PTPRT: variants seen among roughly 807,000 people sequenced by gnomAD.
The protein encoded by PTPRT is receptor-type tyrosine-protein phosphatase T.
In PTPRT, 56 loss-of-function variants were observed where a neutral mutation model predicts 176.8. The observed-to-expected ratio is 0.32, with a 90% CI of 0.26 to 0.40. The LOEUF (loss-of-function observed/expected upper bound fraction) is 0.40, where lower values mean the gene tolerates loss of function less well. PTPRT is among the 10% of genes least tolerant of loss of function. The probability of loss-of-function intolerance (pLI) is 1.00; values close to 1 mark genes in which losing one functional copy is unlikely to be tolerated. For missense variants in PTPRT, 1,540 were observed against 1,908.2 expected, an observed-to-expected ratio of 0.81 and a Z score of 3.60; for synonymous variants, 783 against 739.0, an observed-to-expected ratio of 1.06 and a Z score of -0.96.
chr20:42,044,798 A>T, the PTPRT span, among the ~76,000 whole-genome samples: 1 of 152,204 alleles, frequency 6.6e-6, no homozygotes, highest in African/African-American at 2.4e-5. Context: ...GACTGATTAC[A>T]TTACAATTCT....
At chr20:42,505,184 C>A (rs918939896) in intron 7 of PTPRT, among the ~76,000 whole-genome samples, 1 of 152,060 alleles carries the variant, frequency 6.6e-6, no homozygotes, top group African/African-American at 2.4e-5. Context: ...CGTAAATATG[C>A]CTGGTAGCAT....
intron 14 of PTPRT, among the ~76,000 whole-genome samples, chr20:42,240,459 A>T (rs1202246766): frequency 6.6e-6 from 1 of 152,264 alleles, no homozygotes; most frequent in Admixed American, 6.5e-5. Context: ...AAAACAAAAC[A>T]AAACAAAACA....
At chr20:42,398,183 T>C (rs2058869901) in intron 9 of PTPRT, among the ~76,000 whole-genome samples, 1 of 152,160 alleles carries the variant, frequency 6.6e-6, no homozygotes, top group African/African-American at 2.4e-5. Context: ...CATGAGAGGA[T>C]CATTCCTTAA....
chr20:42,426,232 CA>C (rs1215803339), intron 9 of PTPRT, among the ~76,000 whole-genome samples: 1 of 152,100 alleles, frequency 6.6e-6, no homozygotes, highest in East Asian at 1.9e-4. Flanking sequence ...ATCCTGTACC[CA>C]TATAAAACCC....
At chr20:42,241,139 A>C (rs2056345850) in intron 14 of PTPRT, among the ~76,000 whole-genome samples, 1 of 152,198 alleles carries the variant, frequency 6.6e-6, no homozygotes, top group Non-Finnish European at 1.5e-5. Context: ...AGCCTGTATT[A>C]ATAGCTATTA....
intron 1 of PTPRT, among the ~76,000 whole-genome samples, chr20:42,898,085 A>G (rs1055575233): frequency 1.8e-4 from 28 of 152,226 alleles, no homozygotes; most frequent in Non-Finnish European, 1.9e-4. Context: ...ATTGGTCTGC[A>G]TGGGAAATCC....
At chr20:42,888,376 C>G (rs1013951653) in intron 1 of PTPRT, among the ~76,000 whole-genome samples, 24 of 152,186 alleles carry the variant, frequency 1.6e-4, no homozygotes, top group African/African-American at 5.8e-4. Flanking sequence ...AGCATATTCT[C>G]CCAAGCATTT....
intron 7 of PTPRT, among the ~76,000 whole-genome samples, chr20:42,603,523 G>A (rs955198549): frequency 1.3e-5 from 2 of 152,184 alleles, no homozygotes; most frequent in African/African-American, 4.8e-5. Context: ...TTGAGAGGCT[G>A]GTGCGACTAG....
chr20:42,913,968 T>A (rs2145938378), intron 1 of PTPRT, among the ~76,000 whole-genome samples: 1 of 152,346 alleles, frequency 6.6e-6, no homozygotes, highest in East Asian at 1.9e-4. Flanking sequence ...CATTCCCTAA[T>A]GTTGAATTTT....
At chr20:43,128,515 G>C (rs1356545058) in intron 1 of PTPRT, among the ~76,000 whole-genome samples, 5 of 152,186 alleles carry the variant, frequency 3.3e-5, no homozygotes, top group Non-Finnish European at 5.9e-5. Flanking sequence ...CACTATGGGG[G>C]CCCCAAAATA....
intron 17 of PTPRT, among the ~76,000 whole-genome samples, chr20:42,145,830 C>T (rs143379774): frequency 7.9e-5 from 12 of 152,158 alleles, no homozygotes; most frequent in African/African-American, 1.9e-4. Flanking sequence ...CTGTGTCCAA[C>T]GCCCTTAGAC....
chr20:42,848,917 T>A (rs2078423955), intron 2 of PTPRT, among the ~76,000 whole-genome samples: 1 of 152,178 alleles, frequency 6.6e-6, no homozygotes, highest in South Asian at 2.1e-4. Flanking sequence ...TTTTTTCCGA[T>A]GTTATCTTCT....
chr20:42,438,427 C>A (rs1240377854), intron 9 of PTPRT, among the ~76,000 whole-genome samples: 1 of 152,118 alleles, frequency 6.6e-6, no homozygotes, highest in East Asian at 1.9e-4. Context: ...CACAGGCCCC[C>A]CTAGTTTAGG....
intron 7 of PTPRT, among the ~76,000 whole-genome samples, chr20:42,634,021 TAA>T (rs1491493416): frequency 1.7e-4 from 5 of 28,792 alleles, no homozygotes; most frequent in Non-Finnish European, 2.8e-4. Context: ...AATATATATA[TAA>T]TATATATATT....
chr20:42,614,302 C>A (rs1490107080), intron 7 of PTPRT, among the ~76,000 whole-genome samples: 1 of 152,104 alleles, frequency 6.6e-6, no homozygotes, highest in Admixed American at 6.5e-5. Flanking sequence ...ACCTAATGAC[C>A]TTATCTTAAT....
chr20:42,241,111 A>C (rs2056345531), intron 14 of PTPRT, among the ~76,000 whole-genome samples: 1 of 152,334 alleles, frequency 6.6e-6, no homozygotes, highest in South Asian at 2.1e-4. Context: ...ATTTGAATCC[A>C]GGGAGTCTGA....
intron 11 of PTPRT, among the ~76,000 whole-genome samples, chr20:42,344,933 T>A (rs931634167): frequency 6.6e-6 from 1 of 152,066 alleles, no homozygotes; most frequent in African/African-American, 2.4e-5. Flanking sequence ...CACTCTTCCC[T>A]TCTTCACTAA....
At chr20:42,642,911 C>T (rs1396558468) in intron 7 of PTPRT, among the ~76,000 whole-genome samples, 4 of 152,154 alleles carry the variant, frequency 2.6e-5, no homozygotes, top group Non-Finnish European at 1.5e-5. Flanking sequence ...GCCAATGGGA[C>T]AACAGCAAAC....
rs562849487 is a variant in PTPRT at position 42,572,722 on chromosome 20, T to C, written c.1154-100160A>G. The stretch of plus-strand genomic sequence containing the variant: ...AGTTGTTTAGCTTTTAATCAAAGTT[T>C]GGTATCTATCCAGGAACTTGCACAT... On this transcript the variant is annotated intron_variant, in intron 7 of 30. Transcript: ENST00000373187. 2.6e-5 allele frequency among the ~76,000 whole-genome samples: 4 copies of C among 152,350 alleles called. No individual in the cohort carries two copies. The South Asian group carries it at 8.3e-4, about 32-fold the overall frequency.
Sources: allele counts gnomAD v4.1 joint callset (sites outside exome capture counted in the v4.1 genomes callset), GRCh38; gene constraint gnomAD v4.1.1; transcripts MANE v1.5; gene names NCBI Gene and HGNC (gene_info 2026-07-23, HGNC 2026-07-21).